Variants in USP33 observed in about 807,000 individuals in gnomAD.
USP33 encodes the protein ubiquitin specific peptidase 33.
USP33 carries 46 observed loss-of-function variants against 124.2 expected under a neutral mutation model. That is an observed-to-expected ratio of 0.37 (90% CI 0.29 to 0.47). The LOEUF (loss-of-function observed/expected upper bound fraction) is 0.47, where lower values mean the gene tolerates loss of function less well. USP33 is among the 20% of genes least tolerant of loss of function. USP33 has a pLI of 0.99. For synonymous variants in USP33, 350 were observed against 352.3 expected, an observed-to-expected ratio of 0.99 and a Z score of 0.07; for missense variants, 851 against 1,070.6, an observed-to-expected ratio of 0.79 and a Z score of 2.86.
rs1315100515 is a variant in USP33, at chr1:77,728,443, T to C, written c.987A>G (p.Ser329=). The change falls in exon 10 of 24, where the codon TCA becomes TCG. Residue 329 remains serine, a synonymous_variant. Transcript: ENST00000370794. ...ACATCTTCTCTTTTTGCCAATCCTT[T>C]GACATTTCTGAATTGTTTTCATCAT... ...IQDDENNSEM[S]KDWQKEKMCN... The C allele has an allele frequency of 1.2e-6, 2 of 1,613,960 alleles. No homozygotes were observed. The highest frequency in any genetic ancestry group is 2.7e-5 in the African/African-American group (2 of 74,936).
chr1:77,720,165 G>GGAA (rs1553193694), intron 15 of USP33, among the ~76,000 whole-genome samples: 7 of 42,744 alleles, frequency 1.6e-4, no homozygotes, highest in Admixed American at 4.8e-4. Flanking sequence ...TGTCTCAAAT[G>GGAA]AAAAAAAAAA....
At chr1:77,732,589 C>T (rs571950602) in intron 7 of USP33, among the ~76,000 whole-genome samples, 55 of 152,248 alleles carry the variant, frequency 3.6e-4, no homozygotes, top group African/African-American at 1.3e-3. Flanking sequence ...TTAATGTGGT[C>T]TACATAACCT....
rs2101427181 is a variant in USP33, at chr1:77,725,729, G to A, written c.1169C>T (p.Ser390Phe). Residue 390 changes from serine (S) to phenylalanine (F), a missense_variant, in exon 11 of 24, where the codon TCT (serine) becomes TTT (phenylalanine). This residue lies in a region of USP33 where 207 missense variants were observed against 200.9 expected (regional missense o/e 1.03). Coordinates refer to ENST00000370794, the MANE Select transcript of USP33 (RefSeq NM_201624.3). ...ATTTGATGGAAGGATCTGTGGTGTAGACAGGTCATTCGAATGGACATCAGT... is the reference window on the plus strand; with the variant it reads ...ATTTGATGGAAGGATCTGTGGTGTAAACAGGTCATTCGAATGGACATCAGT... ...YITDVHSNDL[S>F]TPQILPSNEG... 1.2e-6 allele frequency: 2 copies of A among 1,613,876 alleles called. No individual in the cohort carries two copies. Among genetic ancestry groups the A allele is most frequent in the East Asian group, 2.2e-5 (1 of 44,868 alleles).
chr1:77,730,217 T>C (rs1677649405), intron 8 of USP33, among the ~76,000 whole-genome samples: 1 of 152,192 alleles, frequency 6.6e-6, no homozygotes, highest in African/African-American at 2.4e-5. Flanking sequence ...AAAACAAAAT[T>C]ATTAACATAT....
At chr1:77,747,240 CTTTTTTTTTTTT>C (rs752560478) in intron 1 of USP33, among the ~76,000 whole-genome samples, 4 of 103,874 alleles carry the variant, frequency 3.9e-5, no homozygotes, top group Non-Finnish European at 8.2e-5. Context: ...GGCTTCTGGG[CTTTTTTTTTTTT>C]TTTTTTTTTT....
intron 23 of USP33, 45 bp downstream of exon 23, chr1:77,697,818 G>A: frequency 6.6e-7 from 1 of 1,520,358 alleles, no homozygotes; most frequent in Non-Finnish European, 9.0e-7. Context: ...TTCTAACAGT[G>A]ACAAATCACT....
chr1:77,745,667 T>G (rs1679668084), intron 1 of USP33: 1 of 152,152 alleles, frequency 6.6e-6, no homozygotes, highest in Non-Finnish European at 1.5e-5. Context: ...AGAACAGAAA[T>G]TATAACAAAC....
Position 77,697,886 on chromosome 1 carries a change from C to A in USP33, c.2555G>T (p.Cys852Phe), listed in dbSNP as rs528437568. The A allele has an allele frequency of 1.2e-6, 2 of 1,611,204 alleles. No individual in the cohort carries two copies. Among genetic ancestry groups the A allele is most frequent in the East Asian group, 4.5e-5 (2 of 44,782 alleles). The change falls in exon 23 of 24, where the codon TGT becomes TTT. Residue 852 changes from cysteine to phenylalanine, a missense_variant. By Grantham distance (205) the Cys-to-Phe change is radical (BLOSUM62 -2). This residue lies in a region of USP33 where 142 missense variants were observed against 141.8 expected (regional missense o/e 1.00). Coordinates refer to ENST00000370794, the MANE Select transcript of USP33 (RefSeq NM_201624.3). Reference sequence around the variant, plus strand: ...ACCTTGCCTAAGCATCACATTACCACATTTAGTGACTGCAATCTTAGTATT... The same window carrying A: ...ACCTTGCCTAAGCATCACATTACCAAATTTAGTGACTGCAATCTTAGTATT... ...IDNTKIAVTKCGNVMLRQGAD... is the reference protein window; with the variant it reads ...IDNTKIAVTKFGNVMLRQGAD...
intron 11 of USP33, among the ~76,000 whole-genome samples, chr1:77,725,215 T>C (rs1677025521): frequency 6.6e-6 from 1 of 152,200 alleles, no homozygotes; most frequent in Non-Finnish European, 1.5e-5. Context: ...TGATTTCATT[T>C]ATATGACATT....
chr1:77,745,577 G>C (rs1271862497), intron 1 of USP33: 1 of 152,128 alleles, frequency 6.6e-6, no homozygotes, highest in African/African-American at 2.4e-5. Flanking sequence ...TCCTTTCCAT[G>C]TTTAGTGCTT....
chr1:77,726,896 G>T (rs555369830), intron 10 of USP33, among the ~76,000 whole-genome samples: 1 of 152,244 alleles, frequency 6.6e-6, no homozygotes, highest in East Asian at 1.9e-4. Context: ...GTTTGCTTTG[G>T]ATTCCTAGTG....
At chr1:77,759,185 C>G (rs560940065) in intron 1 of USP33, among the ~76,000 whole-genome samples, 1 of 152,250 alleles carries the variant, frequency 6.6e-6, no homozygotes, top group South Asian at 2.1e-4. Flanking sequence ...TTTCCGTTCA[C>G]AACAACAAAC....
chr1:77,732,139 TA>T (rs1366499920), intron 7 of USP33, among the ~76,000 whole-genome samples: 17 of 151,726 alleles, frequency 1.1e-4, no homozygotes, highest in Admixed American at 1.0e-3. Flanking sequence ...AGAATTCTGC[TA>T]GTACTTACTA....
At chr1:77,759,481 G>C in intron 1 of USP33, 162 bp downstream of exon 1, 1 of 396,674 alleles carries the variant, frequency 2.5e-6, no homozygotes, top group Non-Finnish European at 4.4e-6. Context: ...AGGGGCCAAG[G>C]CCTTCTTCCC....
At chr1:77,728,143 C>T in intron 10 of USP33, 152 bp downstream of exon 10, 1 of 786,336 alleles carries the variant, frequency 1.3e-6, no homozygotes, top group Non-Finnish European at 1.8e-6. Flanking sequence ...TTCCTTTTAT[C>T]CTCGGGTTCT....
In USP33 at chr1:77,701,415, C is replaced by A. The variant is rs1447228545; in HGVS notation, c.2463G>T (p.Met821Ile). 6.2e-7 allele frequency: 1 copy of A among 1,613,494 alleles called. No individual in the cohort carries two copies. Among genetic ancestry groups the A allele is most frequent in the South Asian group, 1.1e-5 (1 of 90,984 alleles). The change falls in exon 22 of 24, where the codon ATG becomes ATT. Residue 821 changes from methionine (M) to isoleucine (I), a missense_variant. Coordinates refer to ENST00000370794, the MANE Select transcript of USP33 (RefSeq NM_201624.3). ...DSPATFYCIS[M>I]QWFREWESFV... Reference sequence around the variant, plus strand: ...AACTTTCCCATTCTCTAAACCACTGCATACTGATGCAATAAAAAGTAGCTG... The same window carrying A: ...AACTTTCCCATTCTCTAAACCACTGAATACTGATGCAATAAAAAGTAGCTG...
chr1:77,728,388 C>A lies in USP33; in HGVS notation c.1042G>T (p.Gly348Cys), dbSNP rs1206785375. The A allele has an allele frequency of 3.1e-6, 5 of 1,613,934 alleles. No individual in the cohort carries two copies. Among genetic ancestry groups the A allele is most frequent in the Non-Finnish European group, 4.2e-6 (5 of 1,179,986 alleles). ...GAGTCTCTATCTTTATCAAATTCGC[C>A]TTCAGAATTTACTTTATTAATCTTA... ...CNKINKVNSEGEFDKDRDSIS... is the reference protein window; with the variant it reads ...CNKINKVNSECEFDKDRDSIS... Residue 348 changes from glycine (G) to cysteine (C), a missense_variant, in exon 10 of 24, where the codon GGC becomes TGC. By Grantham distance (159) the Gly-to-Cys change is radical (BLOSUM62 -3). Around this residue, in one of 4 missense-constraint regions of USP33, gnomAD observed 207 missense variants for 200.9 expected, o/e 1.03. Coordinates refer to ENST00000370794, the MANE Select transcript of USP33 (RefSeq NM_201624.3).
intron 5 of USP33, among the ~76,000 whole-genome samples, chr1:77,736,946 C>T (rs1468401535): frequency 2.0e-5 from 3 of 151,884 alleles, no homozygotes; most frequent in Non-Finnish European, 4.4e-5. Flanking sequence ...CAAGCACTTA[C>T]TTTAAATAAT....
At chr1:77,739,489 T>C in intron 4 of USP33, 72 bp from the exon 5 acceptor site, 1 of 1,407,220 alleles carries the variant, frequency 7.1e-7, no homozygotes, top group Non-Finnish European at 9.4e-7. Context: ...CTTCAAAAGA[T>C]AACAGAAGAT....
Sources: gnomAD v4.1 joint callset for allele counts (sites outside exome capture counted in the v4.1 genomes callset) on GRCh38, gnomAD v4.1.1 for gene constraint, gnomAD v4.1.1 regional missense constraint, MANE v1.5 for transcripts, NCBI Gene and HGNC (gene_info 2026-07-23, HGNC 2026-07-21) for gene names.